Variants in AGBL1 observed in about 807,000 individuals in gnomAD.
AGBL1 encodes AGBL carboxypeptidase 1.
A neutral mutation model predicts 118.9 loss-of-function variants in AGBL1; 130 were observed. The ratio of observed to expected loss-of-function variants is 1.09; its 90% CI spans 0.95 to 1.26. AGBL1 has a LOEUF of 1.26. Among genes scored for constraint, AGBL1 ranks in the 50% most tolerant of loss-of-function variants. The pLI, the probability that AGBL1 is intolerant of heterozygous loss-of-function variation, is 0.00. For missense variants in AGBL1, 1,584 were observed against 1,298.1 expected (o/e 1.22, Z -3.38); for synonymous variants, 555 against 478.9 (o/e 1.16, Z -2.08).
At chr15:86,463,630 A>AG (rs1287002657) in intron 18 of AGBL1, among the ~76,000 whole-genome samples, 1 of 152,184 alleles carries the variant, frequency 6.6e-6, no homozygotes, top group African/African-American at 2.4e-5. Flanking sequence ...GTTGTAAGGA[A>AG]GGGGTCCAGT....
At chr15:86,107,622 G>A (rs1897127163) in intron 1 of AGBL1, 1 of 152,176 alleles carries the variant, frequency 6.6e-6, no homozygotes. Context: ...TTTCTTACAA[G>A]CTTAGGAAGC....
intron 9 of AGBL1, among the ~76,000 whole-genome samples, chr15:86,260,421 A>C (rs1014147251): frequency 6.6e-6 from 1 of 152,194 alleles, no homozygotes; most frequent in Non-Finnish European, 1.5e-5. Context: ...GCCAAGGTCA[A>C]CGTATTAGAT....
chr15:86,222,250 C>T (rs568468821), intron 5 of AGBL1, among the ~76,000 whole-genome samples: 1 of 152,262 alleles, frequency 6.6e-6, no homozygotes, highest in African/African-American at 2.4e-5. Context: ...TATGATGTTT[C>T]CAGCAGCATT....
chr15:86,622,084 T>C (rs2142412702), intron 21 of AGBL1, among the ~76,000 whole-genome samples: 1 of 152,064 alleles, frequency 6.6e-6, no homozygotes, highest in African/African-American at 2.4e-5. Flanking sequence ...TACTCGCAAT[T>C]TGGGAGGCTG....
At chr15:86,320,931 T>C (rs1228003916) in intron 17 of AGBL1, among the ~76,000 whole-genome samples, 1 of 152,204 alleles carries the variant, frequency 6.6e-6, no homozygotes, top group Non-Finnish European at 1.5e-5. Flanking sequence ...AAACTGTGCA[T>C]GCAGTTCTGG....
intron 23 of AGBL1, among the ~76,000 whole-genome samples, chr15:86,966,800 C>T (rs1030644211): frequency 6.6e-6 from 1 of 152,114 alleles, no homozygotes; most frequent in Non-Finnish European, 1.5e-5. Context: ...GTGCATGTGT[C>T]TTTATAGCAG....
At chr15:86,582,157 T>A (rs1222679800) in intron 21 of AGBL1, among the ~76,000 whole-genome samples, 1 of 152,162 alleles carries the variant, frequency 6.6e-6, no homozygotes, top group Non-Finnish European at 1.5e-5. Flanking sequence ...TGTCCCCTTG[T>A]AGATCAAAAT....
chr15:86,949,545 A>G (rs935111495), intron 23 of AGBL1, among the ~76,000 whole-genome samples: 3 of 152,140 alleles, frequency 2.0e-5, no homozygotes, highest in Admixed American at 6.5e-5. Context: ...TGACTTAAAT[A>G]TATTAATAAT....
At chr15:86,694,885 G>A (rs1274795997) in intron 22 of AGBL1, among the ~76,000 whole-genome samples, 2 of 151,786 alleles carry the variant, frequency 1.3e-5, no homozygotes, top group African/African-American at 4.8e-5. Context: ...TGTTTATATG[G>A]TGTATCACAT....
rs866909806 is a variant in AGBL1 at position 86,635,271 on chromosome 15, T to C, written c.2995-39002T>C. 9.5e-3 allele frequency among the ~76,000 whole-genome samples: 509 copies of C among 53,590 alleles called. 1 individual carries two copies. The highest frequency in any genetic ancestry group is 0.012 in the Non-Finnish European group (365 of 30,106). The allele number at this position is 53,590 out of a possible 152,430, so 35.2% of individuals were successfully genotyped here. A position where few individuals can be genotyped will look rare whatever the true frequency, so the allele number is the denominator to read the frequency against. ...CTCCTCCTCCCCCTCCCCCTCCTCC[T>C]CCTCCTCCTTCCCCTCCCCCTCCCC... On this transcript the variant is annotated intron_variant, in intron 21 of 22. Transcript: ENST00000614907.
intron 18 of AGBL1, among the ~76,000 whole-genome samples, chr15:86,497,630 C>G (rs548624825): frequency 9.5e-4 from 144 of 151,998 alleles, no homozygotes; most frequent in Non-Finnish European, 1.0e-3. Context: ...ATAAATCTCC[C>G]ATTTTCTGAA....
chr15:86,694,342 A>AT (rs915294785), intron 22 of AGBL1, among the ~76,000 whole-genome samples: 57 of 151,378 alleles, frequency 3.8e-4, no homozygotes, highest in African/African-American at 7.5e-4. Flanking sequence ...TAAGTATTTA[A>AT]TTTTTTTTGC....
chr15:86,228,821 TAGC>T (rs2078408790), intron 6 of AGBL1, among the ~76,000 whole-genome samples: 1 of 152,210 alleles, frequency 6.6e-6, no homozygotes, highest in Non-Finnish European at 1.5e-5. Flanking sequence ...TTCTGGGCAA[TAGC>T]AGGCAAAATA....
At chr15:86,151,795 A>G (rs1007021119) in intron 3 of AGBL1, among the ~76,000 whole-genome samples, 6 of 152,234 alleles carry the variant, frequency 3.9e-5, no homozygotes, top group South Asian at 2.1e-4. Context: ...TCAGCCCAAA[A>G]TCTCCTTAAG....
At chr15:86,818,421 T>C (rs1242409287) in intron 22 of AGBL1, among the ~76,000 whole-genome samples, 1 of 152,150 alleles carries the variant, frequency 6.6e-6, no homozygotes, top group Non-Finnish European at 1.5e-5. Flanking sequence ...ATGCAAGGAA[T>C]CCAGGTTGCA....
At chr15:86,188,642 G>T (rs993902807) in intron 5 of AGBL1, among the ~76,000 whole-genome samples, 3 of 152,156 alleles carry the variant, frequency 2.0e-5, no homozygotes, top group Non-Finnish European at 4.4e-5. Context: ...CATAATAAAA[G>T]TTCCTGGTCA....
Position 86,755,372 on chromosome 15 carries a change from A to AT in AGBL1, c.3158+80936_3158+80937insT, listed in dbSNP as rs546688702. 2.8e-3 allele frequency among the ~76,000 whole-genome samples: 425 copies of AT among 152,212 alleles called. 6 individuals are homozygous for AT. In the South Asian group the frequency reaches 0.051, roughly 18 times the overall value. ...CAGCTGAGTAGCGGACAGACCAGGA[A>AT]CACCCAGAGTCCTGAGAAGGCAAGC... On this transcript the variant is annotated intron_variant, in intron 22 of 22. Coordinates refer to ENST00000614907, the MANE Select transcript of AGBL1 (RefSeq NM_001386094.1).
At chr15:86,932,307 C>A (rs2080615761) in intron 23 of AGBL1, among the ~76,000 whole-genome samples, 1 of 152,116 alleles carries the variant, frequency 6.6e-6, no homozygotes, top group South Asian at 2.1e-4. Flanking sequence ...TAGACCTGAC[C>A]ATTAACTTTA....
In AGBL1 at chr15:86,552,832, T is replaced by G. The variant is rs8030372; in HGVS notation, c.2818-1529T>G. Among the ~76,000 whole-genome samples the G allele has an allele frequency of 9.8e-3, 1,499 of 152,260 alleles. 22 individuals carry two copies. The highest frequency in any genetic ancestry group is 0.034 in the African/African-American group (1,401 of 41,546). ...GTAGACACTCAAGTGAAGATAACATTAGCATTCTATTTCCCTTTTTTAGAT... is the reference window on the plus strand; with the variant it reads ...GTAGACACTCAAGTGAAGATAACATGAGCATTCTATTTCCCTTTTTTAGAT... On this transcript the variant is annotated intron_variant, in intron 20 of 22. Transcript: ENST00000614907.
Sources: gnomAD v4.1 joint callset for allele counts (sites outside exome capture counted in the v4.1 genomes callset) on GRCh38, gnomAD v4.1.1 for gene constraint, MANE v1.5 for transcripts, NCBI Gene and HGNC (gene_info 2026-07-23, HGNC 2026-07-21) for gene names.